EXPH5: variants seen among roughly 807,000 people sequenced by gnomAD.
EXPH5 encodes the protein exophilin 5.
In EXPH5, 42 loss-of-function variants were observed where a neutral mutation model predicts 41.1. The ratio of observed to expected loss-of-function variants is 1.02; its 90% CI spans 0.80 to 1.32. EXPH5 has a LOEUF of 1.32. Among genes scored for constraint, EXPH5 ranks in the 40% most tolerant of loss-of-function variants. The pLI, the probability that EXPH5 is intolerant of heterozygous loss-of-function variation, is 0.00. For synonymous variants in EXPH5, 798 were observed against 833.5 expected, an observed-to-expected ratio of 0.96 and a Z score of 0.73; for missense variants, 2,298 against 2,314.5, an observed-to-expected ratio of 0.99 and a Z score of 0.15.
chr11:108,593,527 C>A lies in EXPH5; in HGVS notation c.10G>T (p.Val4Phe), dbSNP rs747522821. The A allele has an allele frequency of 1.2e-6, 2 of 1,614,094 alleles. No individual in the cohort carries two copies. Among genetic ancestry groups the A allele is most frequent in the Non-Finnish European group, 1.7e-6 (2 of 1,180,030 alleles). The change falls in exon 1 of 6, where the codon GTT becomes TTT. Residue 4 changes from valine to phenylalanine, a missense_variant. Val to Phe is a conservative substitution (Grantham distance 50, BLOSUM62 -1). Transcript: ENST00000265843. ...AAACTGAAATCAAACGCCGGAGGAACTTTCGTCATTTTCTTTACTGTGTGT... is the reference window on the plus strand; with the variant it reads ...AAACTGAAATCAAACGCCGGAGGAAATTTCGTCATTTTCTTTACTGTGTGT... Reference protein sequence around the residue: MTKVPPAFDFSFLN... With the variant: MTKFPPAFDFSFLN...
At chr11:108,557,677 T>A (rs947252996) in intron 1 of EXPH5, among the ~76,000 whole-genome samples, 19 of 152,162 alleles carry the variant, frequency 1.2e-4, no homozygotes, top group Non-Finnish European at 2.1e-4. Flanking sequence ...CCTGTTAATC[T>A]TCTTTTGAAA....
chr11:108,579,472 C>T (rs1436632384), intron 1 of EXPH5, among the ~76,000 whole-genome samples: 3 of 151,510 alleles, frequency 2.0e-5, no homozygotes, highest in Non-Finnish European at 4.4e-5. Context: ...AGTTTTCTTT[C>T]CTCACTGTGT....
chr11:108,582,459 C>T (rs558551049), intron 1 of EXPH5, among the ~76,000 whole-genome samples: 2 of 151,084 alleles, frequency 1.3e-5, no homozygotes, highest in South Asian at 2.1e-4. Context: ...GAATGAGACC[C>T]TGTCACAAAG....
rs1478914564 is a variant in EXPH5 at position 108,505,926 on chromosome 11, A to G, written c.*3611T>C. 1 of 152,186 alleles carries G rather than the reference A, an allele frequency of 6.6e-6. No homozygotes were observed. Among genetic ancestry groups the G allele is most frequent in the Non-Finnish European group, 1.5e-5 (1 of 68,038 alleles). The allele number at this position is 152,186 out of a possible 1,614,324, so 9.4% of individuals were successfully genotyped here. A position where few individuals can be genotyped will look rare whatever the true frequency, so the allele number is the denominator to read the frequency against. ...CCAAACCTTTGTTAGTAGCAGTTGG[A>G]ATTTTGTTGGCATCAATGTATTTAC... On this transcript the variant is annotated 3_prime_UTR_variant, in exon 6 of 6. Transcript: ENST00000265843.
chr11:108,521,815 T>A (rs1173380160), intron 4 of EXPH5, among the ~76,000 whole-genome samples: 1 of 152,198 alleles, frequency 6.6e-6, no homozygotes, highest in East Asian at 1.9e-4. Flanking sequence ...AAGAGAACAG[T>A]AGGCATAATT....
At chr11:108,517,228 T>C (rs1439416332) in intron 5 of EXPH5, among the ~76,000 whole-genome samples, 5 of 152,244 alleles carry the variant, frequency 3.3e-5, no homozygotes, top group Admixed American at 6.5e-5. Flanking sequence ...CTGTTCTGCT[T>C]CTCTACATTA....
At chr11:108,556,260 C>T (rs2093989351) in intron 1 of EXPH5, among the ~76,000 whole-genome samples, 1 of 151,800 alleles carries the variant, frequency 6.6e-6, no homozygotes, top group South Asian at 2.1e-4. Flanking sequence ...TTGCCTGGGC[C>T]CTTTGCGATT....
Position 108,511,385 on chromosome 11 carries a change from T to A in EXPH5, c.4122A>T (p.Thr1374=), listed in dbSNP as rs186051270. Residue 1374 remains threonine (T), a synonymous_variant, in exon 6 of 6, where the codon ACA becomes ACT. Transcript: ENST00000265843. ...REIFSDNLAK[T]PLGDSENKKE... is the part of the protein sequence containing the mutation. ...TCTTGTTTTCTGAATCACCTAGAGG[T>A]GTTTTAGCTAAATTATCTGAAAAAA... is the stretch of plus-strand genomic sequence containing the variant. The A allele has an allele frequency of 2.5e-6, 4 of 1,590,944 alleles. No homozygotes were observed. Among genetic ancestry groups the A allele is most frequent in the Admixed American group, 3.7e-5 (2 of 54,612 alleles).
intron 1 of EXPH5, among the ~76,000 whole-genome samples, chr11:108,587,021 G>A (rs1385980723): frequency 6.6e-6 from 1 of 152,164 alleles, no homozygotes; most frequent in African/African-American, 2.4e-5. Context: ...CCACGTTTAC[G>A]AAAGACCATG....
intron 5 of EXPH5, among the ~76,000 whole-genome samples, chr11:108,515,464 TATA>T (rs1382598534): frequency 2.5e-5 from 2 of 79,918 alleles, no homozygotes; most frequent in Non-Finnish European, 4.3e-5. Flanking sequence ...TAGTTGGATA[TATA>T]ATATTATTAA....
At position 108,505,708 on chromosome 11, in the gene EXPH5, T is replaced by C. The variant is rs535719579; in HGVS notation, c.*3829A>G. On this transcript the variant is annotated 3_prime_UTR_variant, in exon 6 of 6. Coordinates refer to ENST00000265843, the MANE Select transcript of EXPH5 (RefSeq NM_015065.3). ...CATTTAAATGGGATATTCTGAAGCA[T>C]TATTATTATCAATAAACTCTAAGCA... is the stretch of plus-strand genomic sequence containing the variant. 1 of 152,346 alleles carries C rather than the reference T, an allele frequency of 6.6e-6. No homozygotes were observed. Among genetic ancestry groups the C allele is most frequent in the East Asian group, 1.9e-4 (1 of 5,190 alleles). 9.4% of individuals were successfully genotyped at this position (152,346 alleles called of 1,614,324 possible). A position where few individuals can be genotyped will look rare whatever the true frequency, so the allele number is the denominator to read the frequency against.
intron 1 of EXPH5, among the ~76,000 whole-genome samples, chr11:108,545,593 T>TG (rs1000224539): frequency 5.9e-5 from 9 of 151,688 alleles, no homozygotes; most frequent in East Asian, 5.8e-4. Flanking sequence ...GGAGTGTGTG[T>TG]GGGGGGGAAA....
At chr11:108,524,832 CTCAT>C (rs556645647) in intron 4 of EXPH5, among the ~76,000 whole-genome samples, 25 of 152,332 alleles carry the variant, frequency 1.6e-4, no homozygotes, top group African/African-American at 5.8e-4. Context: ...CTTAAAACCA[CTCAT>C]TCATTTCTTC....
intron 1 of EXPH5, among the ~76,000 whole-genome samples, chr11:108,578,278 T>C (rs1053176431): frequency 6.6e-5 from 10 of 152,210 alleles, no homozygotes. Context: ...CCCAGCACCA[T>C]CCATTGAAGA....
the EXPH5 span, among the ~76,000 whole-genome samples, chr11:108,604,348 A>G: frequency 6.6e-6 from 1 of 151,808 alleles, no homozygotes; most frequent in African/African-American, 2.4e-5. Context: ...GTGAGCCAAG[A>G]TTGTGCCACT....
Position 108,518,287 on chromosome 11 carries a change from A to C in EXPH5, c.579T>G (p.Ser193Arg), listed in dbSNP as rs1051412847. The change falls in exon 5 of 6, where the codon AGT becomes AGG. Residue 193 changes from serine (S) to arginine (R), a missense_variant. Ser to Arg is a moderately radical substitution (Grantham distance 110). Coordinates refer to ENST00000265843, the MANE Select transcript of EXPH5 (RefSeq NM_015065.3). ...VPKPAVMREE[S>R]GMPPPWDASL... is the part of the protein sequence containing the mutation. ...AAGCATCCCACGGTGGAGGCATGCC[A>C]CTCTCCTCCCTCATGACTGCTGGCT... 1.2e-6 allele frequency: 2 copies of C among 1,613,516 alleles called. No individual in the cohort carries two copies. The highest frequency in any genetic ancestry group is 1.7e-6 in the Non-Finnish European group (2 of 1,179,690).
Position 108,514,202 on chromosome 11 carries a change from A to G in EXPH5, c.1305T>C (p.Asn435=). Residue 435 remains asparagine (N), a synonymous_variant, in exon 6 of 6, where the codon AAT becomes AAC. Coordinates refer to ENST00000265843, the MANE Select transcript of EXPH5 (RefSeq NM_015065.3). ...TCTCAAAAGTGTCGGGACTCATTGC[A>G]TTCTCCATGGGAGCATTTAAACTAA... The part of the protein sequence containing the change: ...QRVSLNAPME[N]AMSPDTFENS... 1.9e-6 allele frequency: 3 copies of G among 1,614,204 alleles called. No homozygotes were observed. The highest frequency in any genetic ancestry group is 2.5e-6 in the Non-Finnish European group (3 of 1,180,030).
chr11:108,513,124 C>A lies in EXPH5; in HGVS notation c.2383G>T (p.Asp795Tyr). ...HTDKSNDIKQ[D>Y]KRFTENRKLG... The stretch of plus-strand genomic sequence containing the variant: ...TTTCTGTTTTCAGTAAACCTCTTAT[C>A]TTGTTTAATGTCATTGGATTTATCT... Residue 795 changes from aspartate (D) to tyrosine (Y), a missense_variant, in exon 6 of 6, where the codon GAT becomes TAT. Coordinates refer to ENST00000265843, the MANE Select transcript of EXPH5 (RefSeq NM_015065.3). The A allele has an allele frequency of 6.2e-7, 1 of 1,611,658 alleles. No homozygotes were observed. Among genetic ancestry groups the A allele is most frequent in the South Asian group, 1.1e-5 (1 of 90,338 alleles).
At chr11:108,554,962 A>G (rs1161605134) in intron 1 of EXPH5, among the ~76,000 whole-genome samples, 1 of 152,194 alleles carries the variant, frequency 6.6e-6, no homozygotes, top group Non-Finnish European at 1.5e-5. Context: ...TCATCCTCAG[A>G]TTTCCTTATC....
Sources: allele counts gnomAD v4.1 joint callset (sites outside exome capture counted in the v4.1 genomes callset), GRCh38; gene constraint gnomAD v4.1.1; transcripts MANE v1.5; gene names NCBI Gene and HGNC (gene_info 2026-07-23, HGNC 2026-07-21).